Variants in ACAP1 observed in about 807,000 individuals in gnomAD.
ACAP1 encodes ArfGAP with coiled-coil, ankyrin repeat and PH domains 1.
Under a neutral mutation model 98.8 loss-of-function variants are expected in ACAP1, and 45 were observed. That is an observed-to-expected ratio of 0.46 (90% CI 0.36 to 0.58). The LOEUF (loss-of-function observed/expected upper bound fraction) is 0.58, where lower values mean the gene tolerates loss of function less well. Ranked by LOEUF, ACAP1 falls within the 20% of genes least tolerant of loss-of-function variation. The pLI is 0.00. For synonymous variants in ACAP1, 362 were observed against 375.3 expected, an observed-to-expected ratio of 0.96 and a Z score of 0.41; for missense variants, 735 against 971.4, an observed-to-expected ratio of 0.76 and a Z score of 3.24.
In ACAP1 at chr17:7,350,912, A is replaced by G; in HGVS notation, c.2073-38A>G. On this transcript the variant is annotated intron_variant, in intron 20 of 21. Transcript: ENST00000158762. This position sits in a 1 kb window ranked among gnomAD's most constrained non-coding sequence, Gnocchi z 4.6. ...GGCGTGAGCCACCGCGCCCGGCCAA[A>G]GATAGTGTCGTTCATTTCTTAATTC... is the stretch of plus-strand genomic sequence containing the variant. 1 of 1,612,248 alleles carries G rather than the reference A, an allele frequency of 6.2e-7. No homozygotes were observed. The highest frequency in any genetic ancestry group is 8.5e-7 in the Non-Finnish European group (1 of 1,178,410).
At chr17:7,346,743 C>G in intron 12 of ACAP1, 65 bp from the exon 13 acceptor site, 1 of 1,545,500 alleles carries the variant, frequency 6.5e-7, no homozygotes, top group Non-Finnish European at 8.8e-7. Flanking sequence ...GTCAGTCTGC[C>G]CATGCTGCCA....
Position 7,350,402 on chromosome 17 carries a change from G to A in ACAP1, c.2072+165G>A, listed in dbSNP as rs1160565363. On this transcript the variant is annotated intron_variant, in intron 20 of 21. Coordinates refer to ENST00000158762, the MANE Select transcript of ACAP1 (RefSeq NM_014716.4). The surrounding 1 kb of genome is among the most constrained non-coding windows in gnomAD (Gnocchi z 4.6). ...GGGCCAGGCTCGAGAAAGGCTGCGC[G>A]AAGTGTGCACTGGGACGTGGAGTAG... 5.6e-6 allele frequency: 3 copies of A among 531,114 alleles called. No homozygotes were observed. In the South Asian group the frequency reaches 6.0e-5, roughly 11 times the overall value. 32.9% of individuals were successfully genotyped at this position (531,114 alleles called of 1,614,324 possible). A position where few individuals can be genotyped will look rare whatever the true frequency, so the allele number is the denominator to read the frequency against.
rs770214951 is a variant in ACAP1 at position 7,347,082 on chromosome 17, A to G, written c.1183A>G (p.Met395Val). 5.0e-6 allele frequency: 8 copies of G among 1,611,742 alleles called. No homozygotes were observed. The South Asian group carries it at 6.6e-5, about 13-fold the overall frequency. ...TGCTGCCACCCTGGGCTCTGGTGGA[A>G]TGGCCAGGGGAAGGGAGCCTGGGGG... ...GSAATLGSGG[M>V]ARGREPGGVG... The change falls in exon 14 of 22, where the codon ATG (methionine) becomes GTG (valine). Residue 395 changes from methionine (M) to valine (V), a missense_variant. Physicochemically the swap from Met to Val is conservative, Grantham distance 21. This residue lies in a region of ACAP1 where 430 missense variants were observed against 531.8 expected (regional missense o/e 0.81). Transcript: ENST00000158762.
At chr17:7,337,120 C>T (rs1439805244) in intron 1 of ACAP1, 192 bp from the exon 2 acceptor site, 4 of 663,146 alleles carry the variant, frequency 6.0e-6, no homozygotes, top group African/African-American at 3.6e-5. Flanking sequence ...TTCTACCCTT[C>T]CTGCTCTGGC....
Position 7,336,730 on chromosome 17 carries a change from C to T in ACAP1, c.-5C>T. The T allele has an allele frequency of 6.2e-7, 1 of 1,613,892 alleles. No homozygotes were observed. The highest frequency in any genetic ancestry group is 8.5e-7 in the Non-Finnish European group (1 of 1,179,844). On this transcript the variant is annotated 5_prime_UTR_variant, in exon 1 of 22. Coordinates refer to ENST00000158762, the MANE Select transcript of ACAP1 (RefSeq NM_014716.4). The stretch of plus-strand genomic sequence containing the variant: ...GCCCGCTGGCCCCACAGCAGGCAAG[C>T]TGAGATGACGGTCAAGCTGGATTTC...
At position 7,346,419 on chromosome 17, in the gene ACAP1, T is replaced by C; in HGVS notation, c.935T>C (p.Leu312Pro). ...KDPVTVVVDD[L>P]RLCTVKLCPD... Reference sequence around the variant, plus strand: ...CCTGTGACTGTGGTGGTGGATGACCTTCGTCTCTGCACAGTGAAACTCTGC... The same window carrying C: ...CCTGTGACTGTGGTGGTGGATGACCCTCGTCTCTGCACAGTGAAACTCTGC... The change falls in exon 12 of 22, where the codon CTT becomes CCT. Residue 312 changes from leucine (L) to proline (P), a missense_variant. Physicochemically the swap from Leu to Pro is moderately conservative, Grantham distance 98 (BLOSUM62 -3). Coordinates refer to ENST00000158762, the MANE Select transcript of ACAP1 (RefSeq NM_014716.4). 6.2e-7 allele frequency: 1 copy of C among 1,613,946 alleles called. No individual in the cohort carries two copies. Among genetic ancestry groups the C allele is most frequent in the Non-Finnish European group, 8.5e-7 (1 of 1,179,884 alleles).
At chr17:7,342,104 T>C (rs1325677419) in intron 3 of ACAP1, 37 bp downstream of exon 3, 6 of 1,611,348 alleles carry the variant, frequency 3.7e-6, no homozygotes, top group Non-Finnish European at 5.1e-6. Flanking sequence ...GGAAGGGGTC[T>C]GGGATGAGGA....
chr17:7,346,585 C>CTCCA (rs1264584941), intron 12 of ACAP1, 94 bp downstream of exon 12: 6 of 1,261,618 alleles, frequency 4.8e-6, no homozygotes, highest in Non-Finnish European at 3.3e-6. Context: ...CCCCATGCAG[C>CTCCA]TCCAGACTTT....
chr17:7,341,034 C>T (rs2073271198), intron 2 of ACAP1, among the ~76,000 whole-genome samples: 1 of 152,032 alleles, frequency 6.6e-6, no homozygotes, highest in Non-Finnish European at 1.5e-5. Context: ...CCCAGGAGTA[C>T]CCCGGCATTT....
Position 7,344,653 on chromosome 17 carries a change from G to T in ACAP1, c.854+5G>T, listed in dbSNP as rs549465730. ...CGCATTTAAGACCTGGAGCAGGTGAGGAGAGGACACCCCCAATCAGCCCGC... is the reference window on the plus strand; with the variant it reads ...CGCATTTAAGACCTGGAGCAGGTGATGAGAGGACACCCCCAATCAGCCCGC... On this transcript the variant is annotated splice_donor_5th_base_variant and intron_variant, in intron 10 of 21. Transcript: ENST00000158762. The surrounding 1 kb of genome is among the most constrained non-coding windows in gnomAD (Gnocchi z 4.9). The T allele has an allele frequency of 5.2e-6, 8 of 1,547,722 alleles. No individual in the cohort carries two copies. The African/African-American group carries it at 1.1e-4, about 21-fold the overall frequency.
At position 7,349,179 on chromosome 17, in the gene ACAP1, G is replaced by C; in HGVS notation, c.1851+12G>C. 6.2e-7 allele frequency: 1 copy of C among 1,613,390 alleles called. No homozygotes were observed. Among genetic ancestry groups the C allele is most frequent in the Non-Finnish European group, 8.5e-7 (1 of 1,179,770 alleles). On this transcript the variant is annotated intron_variant, in intron 18 of 21. Coordinates refer to ENST00000158762, the MANE Select transcript of ACAP1 (RefSeq NM_014716.4). ...AGGCCACAGCTGCTGTAAGAGCCCT[G>C]CTGACCTCTCCACCCCACCCTAGGG...
chr17:7,350,036 C>CCA lies in ACAP1; in HGVS notation c.1944_1945dup (p.Ile649ThrfsTer13). On this transcript the variant is annotated frameshift_variant, in exon 19 of 22. Transcript: ENST00000158762. LOFTEE classifies it high-confidence loss of function. The surrounding 1 kb of genome is among the most constrained non-coding windows in gnomAD (Gnocchi z 4.6). The stretch of plus-strand genomic sequence containing the variant: ...GGCCGGGGCCCGCTGCACCACGCAA[C>CCA]CATTCTTGGCCACACGGGGTAGGGA... The CCA allele has an allele frequency of 6.2e-7, 1 of 1,613,276 alleles. No individual in the cohort carries two copies.
At chr17:7,342,217 G>A in intron 3 of ACAP1, 58 bp from the exon 4 acceptor site, 1 of 1,610,068 alleles carries the variant, frequency 6.2e-7, no homozygotes, top group Non-Finnish European at 8.5e-7. Flanking sequence ...TGGGTCTCGA[G>A]TCGGGAGGGT....
chr17:7,348,568 C>A, intron 17 of ACAP1, 93 bp downstream of exon 17: 18 of 1,342,332 alleles, frequency 1.3e-5, no homozygotes, highest in African/African-American at 1.5e-5. Context: ...AAGCCCAGGC[C>A]TTCCGCTGGA....
At position 7,342,863 on chromosome 17, in the gene ACAP1, G is replaced by T. The variant is rs562995228; in HGVS notation, c.344+389G>T. The T allele has an allele frequency of 3.9e-3, 963 of 245,950 alleles. 2 individuals carry two copies. The highest frequency in any genetic ancestry group is 5.4e-3 in the Non-Finnish European group (704 of 130,708). 15.2% of individuals were successfully genotyped at this position (245,950 alleles called of 1,614,324 possible). On this transcript the variant is annotated intron_variant, in intron 5 of 21. Transcript: ENST00000158762. ...GTGGAGGTTGCAGTGAGCCAAGATC[G>T]CACTACTTCACTTCAGCCTGGGCAA... is the stretch of plus-strand genomic sequence containing the variant.
chr17:7,341,526 G>A (rs1234778865), intron 2 of ACAP1, among the ~76,000 whole-genome samples: 1 of 152,212 alleles, frequency 6.6e-6, no homozygotes, highest in Non-Finnish European at 1.5e-5. Flanking sequence ...ACAGGTGTGA[G>A]CCACCACGCC....
At chr17:7,348,555 G>T in intron 17 of ACAP1, 80 bp downstream of exon 17, 1 of 1,398,482 alleles carries the variant, frequency 7.2e-7, no homozygotes, top group Non-Finnish European at 9.4e-7. Flanking sequence ...GGCACAGAGT[G>T]TGAAGCCCAG....
At chr17:7,336,875 C>G (rs1389127335) in intron 1 of ACAP1, 88 bp downstream of exon 1, 5 of 1,460,278 alleles carry the variant, frequency 3.4e-6, no homozygotes, top group Admixed American at 1.7e-5. Flanking sequence ...AGGTCTCCTT[C>G]CAGGGAGCAG....
Position 7,350,873 on chromosome 17 carries a change from G to A in ACAP1, c.2073-77G>A, listed in dbSNP as rs2073401261. 6.9e-7 allele frequency: 1 copy of A among 1,442,342 alleles called. No homozygotes were observed. The highest frequency in any genetic ancestry group is 1.4e-5 in the African/African-American group (1 of 71,602). 89.3% of individuals were successfully genotyped at this position (1,442,342 alleles called of 1,614,324 possible). A position where few individuals can be genotyped will look rare whatever the true frequency, so the allele number is the denominator to read the frequency against. On this transcript the variant is annotated intron_variant, in intron 20 of 21. Coordinates refer to ENST00000158762, the MANE Select transcript of ACAP1 (RefSeq NM_014716.4). This position sits in a 1 kb window ranked among gnomAD's most constrained non-coding sequence, Gnocchi z 4.6. ...GATCCGCCTGCCTCGGCCTCCCAAA[G>A]TGTTGGGATTACAGGCGTGAGCCAC...
Sources: gnomAD v4.1 joint callset for allele counts (sites outside exome capture counted in the v4.1 genomes callset) on GRCh38, gnomAD v4.1.1 for gene constraint, gnomAD v4.1.1 regional missense constraint, Gnocchi (gnomAD v3.1) non-coding constraint, MANE v1.5 for transcripts, NCBI Gene and HGNC (gene_info 2026-07-23, HGNC 2026-07-21) for gene names.